Variants in WNT2B observed in about 807,000 individuals in gnomAD.
WNT2B encodes Wnt family member 2B, also known as protein Wnt-2b.
Under a neutral mutation model 40.5 loss-of-function variants are expected in WNT2B, and 19 were observed. That is an observed-to-expected ratio of 0.47 (90% confidence interval 0.33 to 0.69). WNT2B has a LOEUF of 0.69. Among genes scored for constraint, WNT2B ranks in the 30% least tolerant of loss-of-function variants. The pLI is 0.02. For synonymous variants in WNT2B, 220 were observed against 211.9 expected, an observed-to-expected ratio of 1.04 and a Z score of -0.33; for missense variants, 467 against 556.4, an observed-to-expected ratio of 0.84 and a Z score of 1.62.
chr1:112,472,040 A>G (rs1173902780), intron 1 of WNT2B, among the ~76,000 whole-genome samples: 1 of 152,200 alleles, frequency 6.6e-6, no homozygotes, highest in Non-Finnish European at 1.5e-5. Flanking sequence ...AGTAACAGGA[A>G]CTGGATTTAT....
intron 1 of WNT2B, among the ~76,000 whole-genome samples, chr1:112,468,996 G>A (rs898467210): frequency 6.6e-6 from 1 of 152,142 alleles, no homozygotes; most frequent in South Asian, 2.1e-4. Flanking sequence ...GTGAAAGATA[G>A]GAATCCAGTT....
At chr1:112,469,376 T>C (rs1650802232) in intron 1 of WNT2B, among the ~76,000 whole-genome samples, 1 of 152,154 alleles carries the variant, frequency 6.6e-6, no homozygotes, top group Non-Finnish European at 1.5e-5. Context: ...GAAAATGACA[T>C]TGGTATTTTG....
chr1:112,468,166 T>C (rs1266914077), intron 1 of WNT2B, among the ~76,000 whole-genome samples: 1 of 152,224 alleles, frequency 6.6e-6, no homozygotes, highest in East Asian at 1.9e-4. Flanking sequence ...CCAATAATAT[T>C]CCATTTTGTA....
intron 1 of WNT2B, among the ~76,000 whole-genome samples, chr1:112,482,088 G>C (rs1651243728): frequency 6.6e-6 from 1 of 151,348 alleles, no homozygotes; most frequent in Admixed American, 6.6e-5. Flanking sequence ...AGAGGTTGCA[G>C]TGAGTTGAGA....
At chr1:112,511,525 G>A (rs995836997) in intron 1 of WNT2B, among the ~76,000 whole-genome samples, 1 of 152,222 alleles carries the variant, frequency 6.6e-6, no homozygotes, top group East Asian at 1.9e-4. Context: ...AGAAATGCCT[G>A]TTGACTCTGG....
At chr1:112,502,138 C>T (rs892191539) in intron 1 of WNT2B, among the ~76,000 whole-genome samples, 1 of 152,212 alleles carries the variant, frequency 6.6e-6, no homozygotes, top group Non-Finnish European at 1.5e-5. Flanking sequence ...GGCTCGCTCT[C>T]CCGGGCTACT....
rs187678998 is a variant in WNT2B at position 112,520,101 on chromosome 1, G to A, written c.947-179G>A. Among the ~76,000 whole-genome samples the A allele has an allele frequency of 1.2e-4, 18 of 152,156 alleles. 1 individual carries two copies. In the East Asian group the frequency reaches 3.5e-3, roughly 29 times the overall value. ...TTCCCAGGCTGGTCTTGAATTCCTGGACTCAAGGATTCCTTCTGCCTTGGC... is the reference window on the plus strand; with the variant it reads ...TTCCCAGGCTGGTCTTGAATTCCTGAACTCAAGGATTCCTTCTGCCTTGGC... On this transcript the variant is annotated intron_variant, in intron 4 of 4. Coordinates refer to ENST00000369684, the MANE Select transcript of WNT2B (RefSeq NM_024494.3).
chr1:112,497,317 A>G (rs141315509), intron 1 of WNT2B, among the ~76,000 whole-genome samples: 177 of 152,334 alleles, frequency 1.2e-3, no homozygotes, highest in African/African-American at 4.1e-3. Flanking sequence ...TGTCTGAGGC[A>G]TCCTTTCAAA....
chr1:112,467,630 C>T (rs767808849), intron 1 of WNT2B: 1 of 771,868 alleles, frequency 1.3e-6, no homozygotes, highest in African/African-American at 1.7e-5. Context: ...AATACTTGTA[C>T]CTAATTTTCT....
chr1:112,507,829 C>T (rs1483154449), upstream of WNT2B, among the ~76,000 whole-genome samples: 1 of 152,330 alleles, frequency 6.6e-6, no homozygotes, highest in African/African-American at 2.4e-5. Context: ...GGAGCCAGAT[C>T]CCAGGTGAAC....
rs1653332483 is a variant in WNT2B, at chr1:112,526,143, A to AGCCCTGTAGGAGTCCCTG, written c.*5650_*5651insTGGCCCTGTAGGAGTCCC. 9 of 1,613,856 alleles carry AGCCCTGTAGGAGTCCCTG rather than the reference A, an allele frequency of 5.6e-6. No homozygotes were observed. Among genetic ancestry groups the AGCCCTGTAGGAGTCCCTG allele is most frequent in the Admixed American group, 1.7e-5 (1 of 60,016 alleles). Reference sequence around the variant, plus strand: ...AACAGAAATTGATACAAAATGTTCAAGCCCTGTAGGAGTCCCAGGACAGCC... The same window carrying AGCCCTGTAGGAGTCCCTG: ...AACAGAAATTGATACAAAATGTTCAAGCCCTGTAGGAGTCCCTGGCCCTGTAGGAGTCCCAGGACAGCC... On this transcript the variant is annotated 3_prime_UTR_variant, in exon 5 of 5. Coordinates refer to ENST00000369684, the MANE Select transcript of WNT2B (RefSeq NM_024494.3).
intron 1 of WNT2B, among the ~76,000 whole-genome samples, chr1:112,501,105 G>T (rs1651937797): frequency 6.6e-6 from 1 of 152,134 alleles, no homozygotes; most frequent in Non-Finnish European, 1.5e-5. Context: ...TGTTTTTCAT[G>T]ACCTTGACAG....
intron 1 of WNT2B, among the ~76,000 whole-genome samples, chr1:112,482,956 G>T (rs901142935): frequency 2.0e-5 from 3 of 152,076 alleles, no homozygotes; most frequent in African/African-American, 7.2e-5. Context: ...ATTCACATGG[G>T]ATGACAAAAG....
Position 112,521,125 on chromosome 1 carries a change from T to C in WNT2B, c.*616T>C, listed in dbSNP as rs1652845330. 6.5e-6 allele frequency: 1 copy of C among 153,246 alleles called. No homozygotes were observed. Among genetic ancestry groups the C allele is most frequent in the Non-Finnish European group, 1.5e-5 (1 of 68,738 alleles). The allele number at this position is 153,246 out of a possible 1,614,324, so 9.5% of individuals were successfully genotyped here. On this transcript the variant is annotated 3_prime_UTR_variant, in exon 5 of 5. Transcript: ENST00000369684. ...AGAATCATAACAATACAAACACACA[T>C]TCATTCTCTCTTTTTCTCTCTACCA...
At chr1:112,502,816 G>T (rs145137896) in intron 1 of WNT2B, among the ~76,000 whole-genome samples, 1 of 152,310 alleles carries the variant, frequency 6.6e-6, no homozygotes, top group East Asian at 1.9e-4. Context: ...AGGAAATTGG[G>T]GGAGAGGGGA....
At chr1:112,508,942 G>C (rs929281420), upstream of WNT2B, 2 of 1,177,958 alleles carry the variant, frequency 1.7e-6, no homozygotes, top group Admixed American at 9.7e-5. This position sits in a 1 kb window ranked among gnomAD's most constrained non-coding sequence, Gnocchi z 4.2. Context: ...TCCAATGAGA[G>C]CCCGCGGCCG....
chr1:112,482,851 A>C (rs1057310460), intron 1 of WNT2B, among the ~76,000 whole-genome samples: 4 of 152,192 alleles, frequency 2.6e-5, no homozygotes, highest in African/African-American at 9.6e-5. Context: ...TATTGGTAAA[A>C]TGTTCATACT....
At chr1:112,511,193 T>C (rs1162494139) in intron 1 of WNT2B, among the ~76,000 whole-genome samples, 2 of 148,762 alleles carry the variant, frequency 1.3e-5, no homozygotes, top group Non-Finnish European at 3.0e-5. Flanking sequence ...CCTCCCCTGA[T>C]GTGGTTCATA....
intron 1 of WNT2B, among the ~76,000 whole-genome samples, chr1:112,488,918 G>A (rs1332160816): frequency 6.6e-6 from 1 of 151,866 alleles, no homozygotes; most frequent in Non-Finnish European, 1.5e-5. Flanking sequence ...TCCAACTTCT[G>A]GGCTTAAGCA....
Sources: gnomAD v4.1 joint callset for allele counts (sites outside exome capture counted in the v4.1 genomes callset) on GRCh38, gnomAD v4.1.1 for gene constraint, Gnocchi (gnomAD v3.1) non-coding constraint, MANE v1.5 for transcripts, NCBI Gene and HGNC (gene_info 2026-07-23, HGNC 2026-07-21) for gene names.